Variants in COL15A1 observed in about 807,000 individuals in gnomAD.
COL15A1 encodes collagen alpha-1(XV) chain.
A neutral mutation model predicts 165.9 loss-of-function variants in COL15A1; 111 were observed. That is an observed-to-expected ratio of 0.67 (90% confidence interval 0.57 to 0.78). The LOEUF (loss-of-function observed/expected upper bound fraction) is 0.78. COL15A1 is among the 30% of genes least tolerant of loss of function. COL15A1 has a pLI of 0.00. For synonymous variants in COL15A1, 659 were observed against 674.8 expected (o/e 0.98, Z 0.36); for missense variants, 1,745 against 1,789.7 (o/e 0.98, Z 0.45).
intron 22 of COL15A1, among the ~76,000 whole-genome samples, chr9:99,039,677 G>A (rs1348431466): frequency 6.6e-6 from 1 of 152,190 alleles, no homozygotes; most frequent in East Asian, 1.9e-4. Flanking sequence ...AAAGGAAGGA[G>A]CTCTGGCCTT....
rs76949138 is a variant in COL15A1, at chr9:99,048,306, A to G, written c.2793+306A>G. Among the ~76,000 whole-genome samples the G allele has an allele frequency of 4.5e-3, 681 of 152,172 alleles. 7 individuals are homozygous for G. The highest frequency in any genetic ancestry group is 0.015 in the African/African-American group (630 of 41,516). Reference sequence around the variant, plus strand: ...ATCCCAGGGCCTCTAACTCTAGGGTAATGTCACCTCTCCCCTCCTTTACAC... The same window carrying G: ...ATCCCAGGGCCTCTAACTCTAGGGTGATGTCACCTCTCCCCTCCTTTACAC... On this transcript the variant is annotated intron_variant, in intron 28 of 41. Coordinates refer to ENST00000375001, the MANE Select transcript of COL15A1 (RefSeq NM_001855.5).
intron 21 of COL15A1, among the ~76,000 whole-genome samples, chr9:99,037,109 G>A (rs547116270): frequency 1.3e-5 from 2 of 152,250 alleles, no homozygotes; most frequent in South Asian, 2.1e-4. Flanking sequence ...ATCCCACATG[G>A]GAAGATGTCC....
chr9:99,036,140 A>G (rs780230689), intron 19 of COL15A1, 30 bp from the exon 20 acceptor site: 1 of 1,583,104 alleles, frequency 6.3e-7, no homozygotes, highest in Non-Finnish European at 8.7e-7. Flanking sequence ...AAGTGACTAG[A>G]AGAATATTTA....
chr9:98,951,914 T>A (rs1837695368), intron 2 of COL15A1, among the ~76,000 whole-genome samples: 1 of 152,170 alleles, frequency 6.6e-6, no homozygotes, highest in African/African-American at 2.4e-5. Flanking sequence ...CCCCAAATCA[T>A]CCTTCTAAGA....
At chr9:99,047,621 G>A (rs904805369) in intron 26 of COL15A1, among the ~76,000 whole-genome samples, 165 bp from the exon 27 acceptor site, 2 of 152,178 alleles carry the variant, frequency 1.3e-5, no homozygotes, top group Non-Finnish European at 2.9e-5. Flanking sequence ...GGAGAGGCTG[G>A]AGACAAGGAG....
chr9:99,043,520 G>A (rs1197256713), intron 24 of COL15A1, among the ~76,000 whole-genome samples: 1 of 152,158 alleles, frequency 6.6e-6, no homozygotes, highest in African/African-American at 2.4e-5. Flanking sequence ...TCTGGCCATT[G>A]CAGTGAACGT....
At chr9:99,031,855 T>G (rs1839216916) in intron 16 of COL15A1, among the ~76,000 whole-genome samples, 1 of 152,214 alleles carries the variant, frequency 6.6e-6, no homozygotes, top group Non-Finnish European at 1.5e-5. Context: ...ATTATTTTTG[T>G]TAGAGTAGGT....
At chr9:99,001,316 C>A (rs1350896673) in intron 7 of COL15A1, among the ~76,000 whole-genome samples, 1 of 152,198 alleles carries the variant, frequency 6.6e-6, no homozygotes, top group Admixed American at 6.5e-5. Context: ...CAGGTGTGTT[C>A]ATGCTATTGT....
At chr9:99,008,800 G>A (rs1011312222) in intron 9 of COL15A1, among the ~76,000 whole-genome samples, 1 of 151,994 alleles carries the variant, frequency 6.6e-6, no homozygotes, top group Non-Finnish European at 1.5e-5. Flanking sequence ...AGCAGAGATG[G>A]GGTTTCACCA....
At chr9:98,988,748 C>A (rs1438745098) in intron 4 of COL15A1, among the ~76,000 whole-genome samples, 2 of 151,920 alleles carry the variant, frequency 1.3e-5, no homozygotes, top group Non-Finnish European at 2.9e-5. Flanking sequence ...CATGGTGAAA[C>A]CCCATCTCTA....
chr9:99,025,005 C>G lies in COL15A1; in HGVS notation c.1980+6C>G, dbSNP rs369780287. 1.7e-5 allele frequency: 28 copies of G among 1,612,014 alleles called. No individual in the cohort carries two copies. In the African/African-American group the frequency reaches 3.2e-4, roughly 18 times the overall value. On this transcript the variant is annotated splice_donor_region_variant and intron_variant, in intron 15 of 41. Transcript: ENST00000375001. The stretch of plus-strand genomic sequence containing the variant: ...CTGGTGAACCTGGGCCCCCGGTGAG[C>G]AACTGAAGTCTTCTCCCCATCTCTG...
rs1191121591 is a variant in COL15A1, at chr9:98,988,322, C to T, written c.724-856C>T. On this transcript the variant is annotated intron_variant, in intron 4 of 41. Transcript: ENST00000375001. ...TGTGATGCTGATCAGTGTAGTCACG[C>T]GTTAGTCTCTGCATTGCCATTAATA... is the stretch of plus-strand genomic sequence containing the variant. Among the ~76,000 whole-genome samples the T allele has an allele frequency of 4.6e-5, 7 of 152,120 alleles. No homozygotes were observed. The South Asian group carries it at 1.0e-3, about 23-fold the overall frequency.
chr9:98,990,251 G>A (rs1401662979), intron 5 of COL15A1, among the ~76,000 whole-genome samples: 2 of 152,198 alleles, frequency 1.3e-5, no homozygotes, highest in Non-Finnish European at 2.9e-5. Flanking sequence ...CCCAGATAGG[G>A]GAAGACACTG....
intron 2 of COL15A1, among the ~76,000 whole-genome samples, chr9:98,959,366 A>T (rs1837831227): frequency 6.6e-6 from 1 of 151,964 alleles, no homozygotes. Context: ...GGCCAGAATT[A>T]GTTTCTTTAA....
At chr9:99,039,875 A>G (rs1006545920) in intron 22 of COL15A1, among the ~76,000 whole-genome samples, 1 of 152,198 alleles carries the variant, frequency 6.6e-6, no homozygotes, top group Non-Finnish European at 1.5e-5. Flanking sequence ...CAGCTGTGCA[A>G]TGCCGATGTC....
At chr9:99,034,944 C>G in intron 17 of COL15A1, 70 bp from the exon 18 acceptor site, 1 of 1,288,832 alleles carries the variant, frequency 7.8e-7, no homozygotes, top group Non-Finnish European at 1.1e-6. Flanking sequence ...TTTTCTGATT[C>G]AGGCATGCAT....
At chr9:98,983,062 A>T (rs754243933) in intron 2 of COL15A1, among the ~76,000 whole-genome samples, 3 of 152,264 alleles carry the variant, frequency 2.0e-5, no homozygotes, top group Non-Finnish European at 4.4e-5. Flanking sequence ...CATACATAGC[A>T]TAAAATTTGG....
intron 2 of COL15A1, among the ~76,000 whole-genome samples, chr9:98,958,458 T>C (rs554276835): frequency 1.2e-4 from 19 of 152,216 alleles, no homozygotes; most frequent in Non-Finnish European, 2.4e-4. Context: ...CAGCTGCTCA[T>C]TCCCCCTGTC....
chr9:99,042,254 G>C, intron 24 of COL15A1, 147 bp downstream of exon 24: 1 of 595,132 alleles, frequency 1.7e-6, no homozygotes, highest in Non-Finnish European at 3.0e-6. Flanking sequence ...GTACAATTCA[G>C]TGATTTTTGG....
Sources: allele counts gnomAD v4.1 joint callset (sites outside exome capture counted in the v4.1 genomes callset), GRCh38; gene constraint gnomAD v4.1.1; transcripts MANE v1.5; gene names NCBI Gene and HGNC (gene_info 2026-07-23, HGNC 2026-07-21).